CENPE: variants seen among roughly 807,000 people sequenced by gnomAD.
CENPE encodes centromere-associated protein E.
CENPE carries 145 observed loss-of-function variants against 336.1 expected under a neutral mutation model. The observed-to-expected ratio is 0.43, with a 90% confidence interval of 0.38 to 0.50. The LOEUF (loss-of-function observed/expected upper bound fraction) is 0.50. Among genes scored for constraint, CENPE ranks in the 20% least tolerant of loss-of-function variants. The pLI is 0.00. For synonymous variants in CENPE, 1,013 were observed against 984.8 expected, an observed-to-expected ratio of 1.03 and a Z score of -0.54; for missense variants, 2,719 against 3,023.3, an observed-to-expected ratio of 0.90 and a Z score of 2.36.
At chr4:103,147,847 C>T (rs1443058901) in intron 28 of CENPE, among the ~76,000 whole-genome samples, 1 of 152,038 alleles carries the variant, frequency 6.6e-6, no homozygotes, top group Non-Finnish European at 1.5e-5. Flanking sequence ...GTGTGTGCTA[C>T]CATGCCTGGC....
chr4:103,141,809 C>G lies in CENPE; in HGVS notation c.5404G>C (p.Asp1802His), dbSNP rs753319219. The change falls in exon 35 of 49, where the codon GAT becomes CAT. Residue 1802 changes from aspartate to histidine, a missense_variant. By Grantham distance (81) the Asp-to-His change is moderately conservative. Around this residue, in one of 5 missense-constraint regions of CENPE, gnomAD observed 2,437 missense variants for 2,513.3 expected, o/e 0.97. Transcript: ENST00000265148. ...KLRGIVSEKT[D>H]KLSNMQKDLE... Reference sequence around the variant, plus strand: ...TCTTTTTGCATATTTGATAGTTTATCTGTCTTCTCAGAAACAATTCCTCTG... The same window carrying G: ...TCTTTTTGCATATTTGATAGTTTATGTGTCTTCTCAGAAACAATTCCTCTG... The G allele has an allele frequency of 2.9e-5, 45 of 1,576,904 alleles. No individual in the cohort carries two copies. Among genetic ancestry groups the G allele is most frequent in the Non-Finnish European group, 2.6e-6 (3 of 1,150,448 alleles).
chr4:103,157,929 T>G (rs1250525814), intron 24 of CENPE, among the ~76,000 whole-genome samples: 4 of 151,626 alleles, frequency 2.6e-5, no homozygotes, highest in Non-Finnish European at 4.4e-5. Flanking sequence ...ATCTTAGAGG[T>G]GTTGTGGGAA....
At chr4:103,163,323 ACTT>A (rs1754616341) in intron 17 of CENPE, 67 bp from the exon 18 acceptor site, 1 of 1,386,994 alleles carries the variant, frequency 7.2e-7, no homozygotes. Context: ...TTAAAACAGA[ACTT>A]ATATATATTA....
intron 42 of CENPE, among the ~76,000 whole-genome samples, chr4:103,125,669 C>G (rs1008670383): frequency 1.3e-5 from 2 of 151,942 alleles, no homozygotes; most frequent in Non-Finnish European, 2.9e-5. Flanking sequence ...TTGAGATCAT[C>G]CTGGCCAACA....
chr4:103,187,257 T>C (rs2126035674), intron 8 of CENPE, among the ~76,000 whole-genome samples: 1 of 152,188 alleles, frequency 6.6e-6, no homozygotes, highest in East Asian at 1.9e-4. Context: ...TTCTTGGAGG[T>C]TTGTTCATTA....
chr4:103,142,055 T>A (rs1366940570), intron 34 of CENPE, 147 bp from the exon 35 acceptor site: 1 of 571,550 alleles, frequency 1.7e-6, no homozygotes, highest in African/African-American at 2.0e-5. Context: ...TTCTCTTCCC[T>A]GTCCTCCTCT....
At chr4:103,164,006 T>C (rs1754699455) in intron 16 of CENPE, among the ~76,000 whole-genome samples, 1 of 152,132 alleles carries the variant, frequency 6.6e-6, no homozygotes, top group Non-Finnish European at 1.5e-5. Flanking sequence ...AGCTCTACAT[T>C]AGTGTACTTT....
intron 47 of CENPE, among the ~76,000 whole-genome samples, chr4:103,109,819 G>A (rs369228794): frequency 6.6e-6 from 1 of 152,078 alleles, no homozygotes; most frequent in Non-Finnish European, 1.5e-5. Flanking sequence ...AAACCCTCCA[G>A]TGCAGGTAAT....
chr4:103,144,332 C>G lies in CENPE; in HGVS notation c.5144G>C (p.Arg1715Thr). ...LKENLRETIT[R>T]DLEKQEELKI... is the part of the protein sequence containing the mutation. ...AGGTGTAGAGAGATGGTAACTCACT[C>G]TAGTTATAGTTTCTCTAAGGTTTTC... The change falls in exon 33 of 49, where the codon AGA becomes ACA. Residue 1715 changes from arginine to threonine, a missense_variant and splice_region_variant. Arg to Thr is a moderately conservative substitution (Grantham distance 71). Coordinates refer to ENST00000265148, the MANE Select transcript of CENPE (RefSeq NM_001813.3). 6.3e-7 allele frequency: 1 copy of G among 1,597,744 alleles called. No individual in the cohort carries two copies. The highest frequency in any genetic ancestry group is 8.5e-7 in the Non-Finnish European group (1 of 1,174,542).
In CENPE at chr4:103,132,956, TTATTTATATATATATA is replaced by T. The variant is rs1008777992; in HGVS notation, c.6721-76_6721-61del. The T allele has an allele frequency of 3.2e-4, 51 of 159,584 alleles. 3 individuals carry two copies. Among genetic ancestry groups the T allele is most frequent in the African/African-American group, 2.8e-3 (37 of 13,110 alleles). 9.9% of individuals were successfully genotyped at this position (159,584 alleles called of 1,614,324 possible). ...TTAGGAAAGTTTTGATCCAAATATT[TTATTTATATATATATA>T]TATATATATATAAAATAAAAAGAGG... On this transcript the variant is annotated intron_variant, in intron 41 of 48. Transcript: ENST00000265148.
At chr4:103,196,385 G>T in intron 2 of CENPE, 133 bp from the exon 3 acceptor site, 1 of 732,028 alleles carries the variant, frequency 1.4e-6, no homozygotes, top group Non-Finnish European at 2.2e-6. Context: ...TTAAGACACA[G>T]TATTTTTTTC....
chr4:103,193,188 T>C (rs1474978654), intron 8 of CENPE, among the ~76,000 whole-genome samples: 4 of 152,054 alleles, frequency 2.6e-5, no homozygotes, highest in Non-Finnish European at 5.9e-5. Context: ...AGTAGATCAC[T>C]GAATATGCCA....
At position 103,147,442 on chromosome 4, in the gene CENPE, C is replaced by T. The variant is rs757995609; in HGVS notation, c.4048G>A (p.Glu1350Lys). Reference sequence around the variant, plus strand: ...TTTATCGTTTTAAGGTTGTCTCTTTCCTTGGTTAGAGATTTTATCTCTTCC... The same window carrying T: ...TTTATCGTTTTAAGGTTGTCTCTTTTCTTGGTTAGAGATTTTATCTCTTCC... Reference protein sequence around the residue: ...SQEEIKSLTKERDNLKTIKEA... With the variant: ...SQEEIKSLTKKRDNLKTIKEA... The change falls in exon 29 of 49, where the codon GAA becomes AAA. Residue 1350 changes from glutamate (E) to lysine (K), a missense_variant. Glu to Lys is a moderately conservative substitution (Grantham distance 56, BLOSUM62 1). Transcript: ENST00000265148. 9.9e-6 allele frequency: 16 copies of T among 1,613,856 alleles called. No homozygotes were observed. Among genetic ancestry groups the T allele is most frequent in the Admixed American group, 8.3e-5 (5 of 60,000 alleles).
chr4:103,167,990 C>A (rs1312951950), intron 16 of CENPE, among the ~76,000 whole-genome samples: 1 of 152,188 alleles, frequency 6.6e-6, no homozygotes, highest in African/African-American at 2.4e-5. Flanking sequence ...ACTGCTTGCA[C>A]AAGGACCCAG....
intron 24 of CENPE, 125 bp from the exon 25 acceptor site, chr4:103,153,375 C>G (rs776533757): frequency 1.6e-6 from 1 of 638,658 alleles, no homozygotes; most frequent in Non-Finnish European, 2.7e-6. Context: ...CACATTTAAT[C>G]TTGACAGTAA....
intron 46 of CENPE, among the ~76,000 whole-genome samples, chr4:103,113,547 TA>T (rs1378300456): frequency 7.1e-6 from 1 of 140,448 alleles, no homozygotes; most frequent in African/African-American, 2.6e-5. Context: ...AACTTATATA[TA>T]ATATATAATA....
chr4:103,132,960 T>TATATATATATATATATATATATATA (rs1751723895), intron 41 of CENPE, 64 bp from the exon 42 acceptor site: 18 of 144,266 alleles, frequency 1.2e-4, no homozygotes, highest in African/African-American at 4.0e-4. Flanking sequence ...AATATTTTAT[T>TATATATATATATATATATATATATA]TATATATATA....
intron 28 of CENPE, 121 bp downstream of exon 28, chr4:103,148,723 C>T (rs1753276460): frequency 1.2e-5 from 11 of 916,628 alleles, no homozygotes; most frequent in African/African-American, 5.0e-5. Context: ...ATTAAACACT[C>T]GACAAATACT....
rs148946825 is a variant in CENPE at position 103,133,726 on chromosome 4, T to A, written c.6689A>T (p.Lys2230Ile). Residue 2230 changes from lysine (K) to isoleucine (I), a missense_variant, in exon 41 of 49, where the codon AAA becomes ATA. By Grantham distance (102) the Lys-to-Ile change is moderately radical. Transcript: ENST00000265148. ...ATGTAGATCCATATTCTGGTTCAATTTGAGATCCCTTAATTCTCTGGATGG... is the reference window on the plus strand; with the variant it reads ...ATGTAGATCCATATTCTGGTTCAATATGAGATCCCTTAATTCTCTGGATGG... ...DVPSRELRDL[K>I]LNQNMDLHIE... 30 of 1,606,890 alleles carry A rather than the reference T, an allele frequency of 1.9e-5. No homozygotes were observed. The African/African-American group carries it at 3.5e-4, about 19-fold the overall frequency.
Sources: allele counts gnomAD v4.1 joint callset (sites outside exome capture counted in the v4.1 genomes callset), GRCh38; gene constraint gnomAD v4.1.1; regional missense constraint gnomAD v4.1.1; transcripts MANE v1.5; gene names NCBI Gene and HGNC (gene_info 2026-07-23, HGNC 2026-07-21).